Variants in PTGER3 observed in about 807,000 individuals in gnomAD.
PTGER3 encodes prostaglandin E2 receptor EP3 subtype.
In PTGER3, 22 loss-of-function variants were observed where a neutral mutation model predicts 34.7. The ratio of observed to expected loss-of-function variants is 0.63; its 90% CI spans 0.45 to 0.91. The LOEUF is 0.91. PTGER3 is among the 40% of genes least tolerant of loss of function. PTGER3 has a pLI of 0.00. For missense variants in PTGER3, 468 were observed against 519.4 expected, an observed-to-expected ratio of 0.90 and a Z score of 0.96; for synonymous variants, 241 against 230.1, an observed-to-expected ratio of 1.05 and a Z score of -0.43.
intron 4 of PTGER3, chr1:70,886,222 C>T: frequency 2.4e-6 from 1 of 409,002 alleles, no homozygotes; most frequent in Admixed American, 2.6e-5. Flanking sequence ...TTTTCTCCAC[C>T]ATTTGAGGAT....
At chr1:70,939,844 A>G (rs776222369) in intron 4 of PTGER3, among the ~76,000 whole-genome samples, 15 of 152,122 alleles carry the variant, frequency 9.9e-5, no homozygotes, top group Non-Finnish European at 2.1e-4. Flanking sequence ...GGCTGCCATG[A>G]AGATCTCTCA....
At chr1:71,044,027 G>A in intron 1 of PTGER3, among the ~76,000 whole-genome samples, 1 of 151,484 alleles carries the variant, frequency 6.6e-6, no homozygotes, top group East Asian at 2.0e-4. Flanking sequence ...ATGTTGGAAT[G>A]CTGGTCTCGA....
chr1:71,025,268 T>A (rs1572964343), intron 1 of PTGER3, among the ~76,000 whole-genome samples: 1 of 151,826 alleles, frequency 6.6e-6, no homozygotes, highest in African/African-American at 2.4e-5. Context: ...TTCTTATCAT[T>A]CATGATTTTA....
chr1:70,883,683 A>G (rs971104431), intron 4 of PTGER3, among the ~76,000 whole-genome samples: 2 of 152,226 alleles, frequency 1.3e-5, no homozygotes, highest in Admixed American at 6.5e-5. Flanking sequence ...AAATTCTAAT[A>G]GGCACATATT....
In PTGER3 at chr1:71,046,830, G is replaced by T; in HGVS notation, c.748C>A (p.Leu250Met). The stretch of plus-strand genomic sequence containing the variant: ...GACACCAGGGCCTTAATGGTGGCCA[G>T]GTTGCAGGAAAAGGTGACTGTCAGC... ...LALTVTFSCNLATIKALVSRC... is the reference protein window; with the variant it reads ...LALTVTFSCNMATIKALVSRC... The change falls in exon 1 of 4, where the codon CTG (leucine) becomes ATG (methionine). Residue 250 changes from leucine (L) to methionine (M), a missense_variant. Around this residue, in one of 5 missense-constraint regions of PTGER3, gnomAD observed 204 missense variants for 230.8 expected, o/e 0.88. Transcript: ENST00000306666. 1 of 1,614,138 alleles carries T rather than the reference G, an allele frequency of 6.2e-7. No individual in the cohort carries two copies. Among genetic ancestry groups the T allele is most frequent in the Non-Finnish European group, 8.5e-7 (1 of 1,180,044 alleles).
At chr1:70,931,327 T>G (rs995219200) in intron 4 of PTGER3, among the ~76,000 whole-genome samples, 6 of 152,122 alleles carry the variant, frequency 3.9e-5, no homozygotes, top group Admixed American at 3.3e-4. Flanking sequence ...CTTTTCCAGG[T>G]GCACAGTCCA....
At chr1:70,972,497 A>G (rs969443892) in intron 3 of PTGER3, among the ~76,000 whole-genome samples, 5 of 152,176 alleles carry the variant, frequency 3.3e-5, no homozygotes, top group African/African-American at 1.2e-4. Flanking sequence ...AATATTACAC[A>G]TTACTTATTC....
rs146688928 is a variant in PTGER3, at chr1:70,994,721, G to A, written c.1077+17584C>T. Among the ~76,000 whole-genome samples, 95 of 152,260 alleles carry A rather than the reference G, an allele frequency of 6.2e-4. 1 individual carries two copies. Among genetic ancestry groups the A allele is most frequent in the African/African-American group, 2.2e-3 (90 of 41,524 alleles). ...TCCACCCCCCTCAGCCTCCTAAAGTGCTGGGATTACAGGCGTGAGCCATTG... is the reference window on the plus strand; with the variant it reads ...TCCACCCCCCTCAGCCTCCTAAAGTACTGGGATTACAGGCGTGAGCCATTG... On this transcript the variant is annotated intron_variant, in intron 2 of 3. Transcript: ENST00000306666.
intron 2 of PTGER3, among the ~76,000 whole-genome samples, chr1:70,976,680 G>C (rs1419716968): frequency 6.6e-6 from 1 of 152,036 alleles, no homozygotes; most frequent in Non-Finnish European, 1.5e-5. Flanking sequence ...ATTTCTAAAA[G>C]ATAAAGACTA....
At chr1:70,967,602 CAATT>C (rs1652662335), downstream of PTGER3, among the ~76,000 whole-genome samples, 1 of 151,842 alleles carries the variant, frequency 6.6e-6, no homozygotes. Context: ...TTTAGTATGG[CAATT>C]AAACACTTCT....
chr1:70,873,433 T>C lies in PTGER3; in HGVS notation c.*24-20574A>G, dbSNP rs148740433. On this transcript the variant is annotated intron_variant, in intron 4 of 4. Coordinates refer to the PTGER3 transcript ENST00000370931. ...TTCATGGGCACGGTGAGTCATATAA[T>C]AGACTACATTTCCCTTTCTGCAGGT... Among the ~76,000 whole-genome samples the C allele has an allele frequency of 1.1e-3, 169 of 152,346 alleles. 1 individual carries two copies. Among genetic ancestry groups the C allele is most frequent in the African/African-American group, 3.6e-3 (149 of 41,584 alleles).
chr1:70,858,819 T>C (rs1240456496), intron 4 of PTGER3, among the ~76,000 whole-genome samples: 1 of 152,230 alleles, frequency 6.6e-6, no homozygotes, highest in East Asian at 1.9e-4. Flanking sequence ...TTCAACTACC[T>C]CACAGAGTTA....
rs946734995 is a variant in PTGER3, at chr1:70,971,107, C to T, written c.*623G>A. 1 of 985,362 alleles carries T rather than the reference C, an allele frequency of 1.0e-6. No individual in the cohort carries two copies. Among genetic ancestry groups the T allele is most frequent in the Non-Finnish European group, 1.2e-6 (1 of 829,908 alleles). The allele number at this position is 985,362 out of a possible 1,614,324, so 61.0% of individuals were successfully genotyped here. On this transcript the variant is annotated 3_prime_UTR_variant, in exon 4 of 4. Transcript: ENST00000306666. Reference sequence around the variant, plus strand: ...AACAATTAAGCAGATTCCTGAGTTACTAAATGACACATAACTAGAATTGAG... The same window carrying T: ...AACAATTAAGCAGATTCCTGAGTTATTAAATGACACATAACTAGAATTGAG...
At chr1:71,046,293 A>AG (rs1296343272) in intron 1 of PTGER3, among the ~76,000 whole-genome samples, 3 of 151,118 alleles carry the variant, frequency 2.0e-5, no homozygotes, top group Non-Finnish European at 3.0e-5. Context: ...CTCAAAAAAA[A>AG]AAAAAAAAAA....
chr1:70,922,953 A>T (rs1214026455), intron 4 of PTGER3, among the ~76,000 whole-genome samples: 5 of 152,216 alleles, frequency 3.3e-5, no homozygotes, highest in Non-Finnish European at 7.4e-5. Context: ...GAATAAAAGC[A>T]TAACAAGATT....
rs146303365 is a variant in PTGER3, at chr1:70,984,740, A to T, written c.1078-10352T>A. Among the ~76,000 whole-genome samples the T allele has an allele frequency of 1.3e-3, 200 of 152,056 alleles. 2 individuals are homozygous for T. Among genetic ancestry groups the T allele is most frequent in the East Asian group, 8.7e-3 (45 of 5,170 alleles). ...AGACCCTGTCTCTAGAAATAAAATT[A>T]AAAAAAAATTTTAAGTCAATAAGCA... On this transcript the variant is annotated intron_variant, in intron 2 of 3. Transcript: ENST00000306666.
chr1:70,870,883 G>T (rs1464685116), intron 4 of PTGER3, among the ~76,000 whole-genome samples: 3 of 152,106 alleles, frequency 2.0e-5, no homozygotes, highest in Non-Finnish European at 4.4e-5. Flanking sequence ...ACCATTTAAT[G>T]GGTTTCTAAA....
intron 2 of PTGER3, among the ~76,000 whole-genome samples, chr1:70,990,116 G>A (rs745820884): frequency 2.0e-5 from 3 of 151,834 alleles, no homozygotes; most frequent in Non-Finnish European, 4.4e-5. Flanking sequence ...CACTTTGGGA[G>A]GCCGAGTTGG....
chr1:70,935,201 T>C (rs1461396018), intron 4 of PTGER3, among the ~76,000 whole-genome samples: 2 of 152,178 alleles, frequency 1.3e-5, no homozygotes, highest in Non-Finnish European at 2.9e-5. Context: ...TAAGAGGTCA[T>C]AGGAGCTATT....
Sources: allele counts gnomAD v4.1 joint callset (sites outside exome capture counted in the v4.1 genomes callset), GRCh38; gene constraint gnomAD v4.1.1; regional missense constraint gnomAD v4.1.1; transcripts MANE v1.5; gene names NCBI Gene and HGNC (gene_info 2026-07-23, HGNC 2026-07-21).